The following CSMD1 variants were observed in gnomAD, a reference collection of about 807,000 sequenced individuals.
CSMD1 encodes CUB and Sushi multiple domains 1, also known as CUB and sushi domain-containing protein 1.
CSMD1 carries 213 observed loss-of-function variants against 417.5 expected under a neutral mutation model. The ratio of observed to expected loss-of-function variants is 0.51; its 90% CI spans 0.46 to 0.57. CSMD1 has a LOEUF of 0.57. Among genes scored for constraint, CSMD1 ranks in the 20% least tolerant of loss-of-function variants. CSMD1 has a pLI of 0.00. For missense variants in CSMD1, 6,923 were observed against 4,529.7 expected, an observed-to-expected ratio of 1.53 and a Z score of -15.17; for synonymous variants, 2,862 against 1,736.8, an observed-to-expected ratio of 1.65 and a Z score of -16.11.
At chr8:4,419,197 A>G (rs17070231) in intron 3 of CSMD1, among the ~76,000 whole-genome samples, 17,609 of 152,160 alleles carry the variant, frequency 0.12, 1,130 homozygotes, top group Non-Finnish European at 0.13. Flanking sequence ...TTTTAAATTT[A>G]CAGACTCCAG....
In CSMD1 at chr8:3,692,712, C is replaced by T. The variant is rs1800319852; in HGVS notation, c.1009+15702G>A. 2.6e-5 allele frequency among the ~76,000 whole-genome samples: 4 copies of T among 152,246 alleles called. No individual in the cohort carries two copies. The South Asian group carries it at 8.3e-4, about 32-fold the overall frequency. ...CCTCCAGAAGTGCTGGGATTACAGG[C>T]ATAAGCCACCACGCCTGGCCACAAC... is the stretch of plus-strand genomic sequence containing the variant. On this transcript the variant is annotated intron_variant, in intron 7 of 69. Coordinates refer to ENST00000635120, the MANE Select transcript of CSMD1 (RefSeq NM_033225.6).
chr8:3,954,293 T>G (rs917873854), intron 5 of CSMD1, among the ~76,000 whole-genome samples: 4 of 152,176 alleles, frequency 2.6e-5, no homozygotes. Context: ...AAGGTGCGCT[T>G]GGGAGAGACC....
At chr8:3,243,506 A>C (rs2116987123) in intron 26 of CSMD1, among the ~76,000 whole-genome samples, 1 of 152,130 alleles carries the variant, frequency 6.6e-6, no homozygotes, top group East Asian at 1.9e-4. Context: ...AGGGGGTCAC[A>C]AGATGCTCAG....
intron 5 of CSMD1, among the ~76,000 whole-genome samples, chr8:3,868,147 G>A (rs1441128948): frequency 6.6e-6 from 1 of 152,002 alleles, no homozygotes; most frequent in Non-Finnish European, 1.5e-5. Flanking sequence ...AGAAATCACA[G>A]CCCTAATTCC....
intron 25 of CSMD1, among the ~76,000 whole-genome samples, chr8:3,288,963 C>G (rs568587311): frequency 6.8e-6 from 1 of 146,576 alleles, no homozygotes; most frequent in South Asian, 2.1e-4. Context: ...TCTCCTAATG[C>G]TATCCCTCCC....
At chr8:4,811,500 T>C (rs760298802) in intron 1 of CSMD1, among the ~76,000 whole-genome samples, 4 of 152,188 alleles carry the variant, frequency 2.6e-5, no homozygotes, top group Non-Finnish European at 4.4e-5. Flanking sequence ...TTTAGGGGAT[T>C]GGTGGCAATG....
At chr8:3,941,817 T>C (rs1296881094) in intron 5 of CSMD1, among the ~76,000 whole-genome samples, 1 of 151,878 alleles carries the variant, frequency 6.6e-6, no homozygotes, top group Admixed American at 6.6e-5. Flanking sequence ...CAAGGAAAAA[T>C]AAAAATATAG....
intron 12 of CSMD1, among the ~76,000 whole-genome samples, chr8:3,438,825 G>A (rs192652750): frequency 2.6e-5 from 4 of 152,004 alleles, no homozygotes; most frequent in African/African-American, 9.7e-5. Context: ...GCTCTTATAA[G>A]AAATTGCTGG....
chr8:4,038,226 T>C (rs914352891), intron 3 of CSMD1, among the ~76,000 whole-genome samples: 1 of 152,142 alleles, frequency 6.6e-6, no homozygotes, highest in African/African-American at 2.4e-5. Flanking sequence ...TTTGTAAAAA[T>C]TTTAATGGGA....
chr8:3,451,073 G>A (rs1343545691), intron 12 of CSMD1, among the ~76,000 whole-genome samples: 8 of 152,168 alleles, frequency 5.3e-5, no homozygotes, highest in African/African-American at 1.7e-4. Flanking sequence ...CAGTGATGAC[G>A]AGCATTTTTT....
At chr8:4,420,096 T>A in intron 2 of CSMD1, 31 bp from the exon 3 acceptor site, 1 of 1,471,902 alleles carries the variant, frequency 6.8e-7, no homozygotes, top group South Asian at 1.2e-5. Context: ...ACAAAGAGAG[T>A]TAAAAGCATG....
At chr8:3,276,187 C>T (rs1292734045) in intron 26 of CSMD1, among the ~76,000 whole-genome samples, 3 of 151,920 alleles carry the variant, frequency 2.0e-5, no homozygotes, top group South Asian at 2.1e-4. Context: ...AGTACTCGGC[C>T]GTGTGAGGTG....
In CSMD1 at chr8:4,545,996, C is replaced by G. The variant is rs1349714291; in HGVS notation, c.302+91346G>C. Among the ~76,000 whole-genome samples the G allele has an allele frequency of 2.6e-5, 4 of 152,166 alleles. No homozygotes were observed. In the East Asian group the frequency reaches 7.7e-4, roughly 29 times the overall value. ...ATCCCCTTCTTATGACCCCCTTCTA[C>G]TGCATTCCATCCACAGCTGCATCTA... On this transcript the variant is annotated intron_variant, in intron 2 of 69. Transcript: ENST00000635120.
intron 2 of CSMD1, among the ~76,000 whole-genome samples, chr8:4,600,362 G>A (rs1351710685): frequency 6.6e-6 from 1 of 152,152 alleles, no homozygotes; most frequent in Non-Finnish European, 1.5e-5. Context: ...AATAAACGGT[G>A]AAGTTTAAAG....
chr8:3,813,296 C>A (rs1801187058), intron 5 of CSMD1, among the ~76,000 whole-genome samples: 1 of 151,904 alleles, frequency 6.6e-6, no homozygotes, highest in South Asian at 2.1e-4. Flanking sequence ...AATTGTATAA[C>A]CTTTAATATC....
rs548951911 is a variant in CSMD1 at position 3,766,900 on chromosome 8, C to T, written c.819-12858G>A. Among the ~76,000 whole-genome samples the T allele has an allele frequency of 2.3e-4, 35 of 152,200 alleles. No individual in the cohort carries two copies. In the South Asian group the frequency reaches 7.0e-3, roughly 31 times the overall value. On this transcript the variant is annotated intron_variant, in intron 5 of 69. Coordinates refer to ENST00000635120, the MANE Select transcript of CSMD1 (RefSeq NM_033225.6). The stretch of plus-strand genomic sequence containing the variant: ...TATCACTTGATAGACTGACGCAGAC[C>T]TTGTTCAGTCAGCTGGTAAGATATC...
chr8:3,959,720 G>A (rs779315153), intron 5 of CSMD1, among the ~76,000 whole-genome samples: 2 of 152,174 alleles, frequency 1.3e-5, no homozygotes, highest in Non-Finnish European at 2.9e-5. Flanking sequence ...AACACAGAAT[G>A]TTTTGAAACT....
chr8:4,983,598 C>G (rs909430414), intron 1 of CSMD1, among the ~76,000 whole-genome samples: 14 of 152,282 alleles, frequency 9.2e-5, no homozygotes, highest in Middle Eastern at 3.4e-3. Context: ...TCTCGACTGA[C>G]TGCAACCTCT....
At chr8:4,170,565 G>C (rs1278687223) in intron 3 of CSMD1, among the ~76,000 whole-genome samples, 1 of 151,870 alleles carries the variant, frequency 6.6e-6, no homozygotes, top group Non-Finnish European at 1.5e-5. Flanking sequence ...ATGGACAATG[G>C]ATGAAAACCT....
Sources: allele counts gnomAD v4.1 joint callset (sites outside exome capture counted in the v4.1 genomes callset), GRCh38; gene constraint gnomAD v4.1.1; transcripts MANE v1.5; gene names NCBI Gene and HGNC (gene_info 2026-07-23, HGNC 2026-07-21).